Variants in PIBF1 observed in about 807,000 individuals in gnomAD.
PIBF1 encodes progesterone-induced-blocking factor 1.
Under a neutral mutation model 112.5 loss-of-function variants are expected in PIBF1, and 90 were observed. The ratio of observed to expected loss-of-function variants is 0.80; its 90% CI spans 0.67 to 0.95. The LOEUF (loss-of-function observed/expected upper bound fraction) is 0.95, where lower values mean the gene tolerates loss of function less well. Ranked by LOEUF, PIBF1 falls within the 40% of genes least tolerant of loss-of-function variation. PIBF1 has a pLI of 0.00. For missense variants in PIBF1, 915 were observed against 852.3 expected (o/e 1.07, Z -0.92); for synonymous variants, 301 against 288.6 (o/e 1.04, Z -0.44).
chr13:72,973,766 G>A (rs540889281), intron 16 of PIBF1, 91 bp downstream of exon 16: 5 of 684,316 alleles, frequency 7.3e-6, no homozygotes, highest in South Asian at 1.8e-5. Context: ...AGTTGTGCAT[G>A]TTCATTAATG....
intron 10 of PIBF1, among the ~76,000 whole-genome samples, chr13:72,872,232 C>T (rs1210243354): frequency 6.6e-6 from 1 of 152,148 alleles, no homozygotes; most frequent in Non-Finnish European, 1.5e-5. Context: ...TTACGGGATT[C>T]AGTAACTGAC....
At chr13:72,978,540 T>C (rs561754167) in intron 16 of PIBF1, among the ~76,000 whole-genome samples, 4 of 152,368 alleles carry the variant, frequency 2.6e-5, no homozygotes, top group African/African-American at 9.6e-5. Context: ...ATATTCCTCT[T>C]TCTTTTTTTC....
intron 11 of PIBF1, among the ~76,000 whole-genome samples, chr13:72,902,624 T>C (rs1199481283): frequency 6.6e-6 from 1 of 152,234 alleles, no homozygotes; most frequent in Non-Finnish European, 1.5e-5. Context: ...TAAAGGTTTA[T>C]ATAAATGATG....
chr13:72,789,842 A>G (rs190791191), intron 2 of PIBF1, among the ~76,000 whole-genome samples: 76 of 152,312 alleles, frequency 5.0e-4, no homozygotes, highest in Admixed American at 9.8e-4. Context: ...TGACTCTCAA[A>G]AAGTTTCAGA....
chr13:72,818,777 T>C (rs2036413329), intron 5 of PIBF1, among the ~76,000 whole-genome samples: 1 of 151,402 alleles, frequency 6.6e-6, no homozygotes, highest in Non-Finnish European at 1.5e-5. Context: ...TTTATTTTTC[T>C]AGCTGAGCAC....
intron 12 of PIBF1, among the ~76,000 whole-genome samples, chr13:72,909,224 A>G (rs2040813204): frequency 1.3e-5 from 2 of 151,872 alleles, no homozygotes; most frequent in South Asian, 2.1e-4. Context: ...TTTTTTATCA[A>G]ATTCACTTAC....
intron 14 of PIBF1, among the ~76,000 whole-genome samples, chr13:72,960,793 T>G (rs2042583174): frequency 6.6e-6 from 1 of 152,220 alleles, no homozygotes; most frequent in South Asian, 2.1e-4. Flanking sequence ...TAGAACTTAG[T>G]TTTATTTTTG....
intron 12 of PIBF1, among the ~76,000 whole-genome samples, chr13:72,912,005 G>A (rs1017937093): frequency 6.6e-6 from 1 of 151,368 alleles, no homozygotes; most frequent in African/African-American, 2.4e-5. Flanking sequence ...AGGGAAGAAG[G>A]AAGGAAGGAA....
intron 9 of PIBF1, among the ~76,000 whole-genome samples, chr13:72,848,729 G>A (rs1021386437): frequency 5.9e-5 from 9 of 152,008 alleles, no homozygotes; most frequent in African/African-American, 1.9e-4. Context: ...CTACTCAGGA[G>A]GCTGAGCCAG....
Position 72,795,543 on chromosome 13 carries a change from C to T in PIBF1, c.538C>T (p.Pro180Ser). 6.5e-7 allele frequency: 1 copy of T among 1,542,290 alleles called. No individual in the cohort carries two copies. Among genetic ancestry groups the T allele is most frequent in the Non-Finnish European group, 8.9e-7 (1 of 1,125,328 alleles). ...KAFPEDQLSI[P>S]EYVSVRFYEL... ...TTTTCCTGAAGATCAGCTTTCTATT[C>T]CTGAATATGTATCTGTAAGTATCTT... The change falls in exon 4 of 18, where the codon CCT (proline) becomes TCT (serine). Residue 180 changes from proline to serine, a missense_variant. Coordinates refer to ENST00000326291, the MANE Select transcript of PIBF1 (RefSeq NM_006346.4).
chr13:72,815,847 C>T (rs1377320695), intron 5 of PIBF1, among the ~76,000 whole-genome samples: 1 of 152,090 alleles, frequency 6.6e-6, no homozygotes, highest in Non-Finnish European at 1.5e-5. Context: ...TAAGGCTTAT[C>T]TCAATTATTC....
intron 14 of PIBF1, among the ~76,000 whole-genome samples, chr13:72,949,227 A>T (rs927073364): frequency 1.4e-5 from 2 of 147,286 alleles, no homozygotes; most frequent in Non-Finnish European, 3.0e-5. Context: ...GATTTGGAAG[A>T]TTGGGGCTGA....
Position 72,998,811 on chromosome 13 carries a change from TA to T in PIBF1, c.2050-10del. 3 of 1,602,114 alleles carry T rather than the reference TA, an allele frequency of 1.9e-6. No homozygotes were observed. The highest frequency in any genetic ancestry group is 2.6e-6 in the Non-Finnish European group (3 of 1,172,432). On this transcript the variant is annotated splice_polypyrimidine_tract_variant and intron_variant, in intron 16 of 17. Transcript: ENST00000326291. ...CTCTTGCTACTTTCTTCTGTTTTCATATATCAACAGGAATTGGCAGCAATGA... is the reference window on the plus strand; with the variant it reads ...CTCTTGCTACTTTCTTCTGTTTTCATTATCAACAGGAATTGGCAGCAATGA...
At chr13:72,859,544 T>TGATATAAAACAATAACAACAAATTA (rs2038599584) in intron 10 of PIBF1, among the ~76,000 whole-genome samples, 2 of 152,168 alleles carry the variant, frequency 1.3e-5, no homozygotes, top group Non-Finnish European at 2.9e-5. Flanking sequence ...TTAACAAATT[T>TGATATAAAACAATAACAACAAATTA]GATATAAAAC....
At chr13:73,008,506 T>C (rs1439082167) in intron 17 of PIBF1, among the ~76,000 whole-genome samples, 6 of 152,166 alleles carry the variant, frequency 3.9e-5, no homozygotes. Context: ...ACCCAAACAT[T>C]CATTCATTCA....
intron 10 of PIBF1, among the ~76,000 whole-genome samples, chr13:72,877,358 G>A (rs926418455): frequency 6.6e-5 from 10 of 152,162 alleles, no homozygotes; most frequent in Admixed American, 2.0e-4. Context: ...TTGTAATGTC[G>A]TTGTCTGGTT....
intron 10 of PIBF1, among the ~76,000 whole-genome samples, chr13:72,871,993 A>G (rs1170184623): frequency 3.3e-5 from 5 of 152,176 alleles, no homozygotes; most frequent in African/African-American, 4.8e-5. Context: ...TAGAGGCAAT[A>G]TAAGTTACGT....
At chr13:72,947,957 T>C (rs2042194056) in intron 14 of PIBF1, among the ~76,000 whole-genome samples, 1 of 152,050 alleles carries the variant, frequency 6.6e-6, no homozygotes, top group Non-Finnish European at 1.5e-5. Context: ...AAACCATCAT[T>C]CTCAGCAAAC....
intron 1 of PIBF1, 33 bp from the exon 2 acceptor site, chr13:72,783,390 A>G (rs1447738526): frequency 1.1e-6 from 1 of 933,552 alleles, no homozygotes; most frequent in African/African-American, 1.7e-5. Flanking sequence ...TTAATTTTAT[A>G]GTACATTTGA....
Sources: gnomAD v4.1 joint callset for allele counts (sites outside exome capture counted in the v4.1 genomes callset) on GRCh38, gnomAD v4.1.1 for gene constraint, MANE v1.5 for transcripts, NCBI Gene and HGNC (gene_info 2026-07-23, HGNC 2026-07-21) for gene names.